TMC1: variants seen among roughly 807,000 people sequenced by gnomAD.
TMC1 encodes transmembrane channel like 1, also known as transmembrane channel-like protein 1.
Under a neutral mutation model 105.8 loss-of-function variants are expected in TMC1, and 84 were observed. That is an observed-to-expected ratio of 0.79 (90% confidence interval 0.67 to 0.95). The LOEUF (loss-of-function observed/expected upper bound fraction) is 0.95. TMC1 is among the 40% of genes least tolerant of loss of function. The pLI is 0.00. For synonymous variants in TMC1, 315 were observed against 311.5 expected (o/e 1.01, Z -0.12); for missense variants, 817 against 914.1 (o/e 0.89, Z 1.37).
At chr9:72,747,805 AG>A (rs1827515520) in intron 10 of TMC1, among the ~76,000 whole-genome samples, 1 of 152,156 alleles carries the variant, frequency 6.6e-6, no homozygotes, top group Admixed American at 6.5e-5. Context: ...CATGTTGACC[AG>A]GCAGGTCTTG....
intron 20 of TMC1, among the ~76,000 whole-genome samples, chr9:72,823,132 A>T (rs986098153): frequency 2.0e-5 from 3 of 152,104 alleles, no homozygotes; most frequent in African/African-American, 7.2e-5. Context: ...GGAATTTTAA[A>T]TATTTTCAAT....
At chr9:72,545,137 TACACACACAC>T (rs61673540) in intron 1 of TMC1, among the ~76,000 whole-genome samples, 1 of 148,076 alleles carries the variant, frequency 6.8e-6, no homozygotes, top group Non-Finnish European at 1.5e-5. Context: ...GATATATATA[TACACACACAC>T]ACACACACAC....
intron 12 of TMC1, 145 bp from the exon 13 acceptor site, chr9:72,772,268 A>G (rs1047947202): frequency 1.7e-5 from 17 of 982,966 alleles, no homozygotes; most frequent in East Asian, 2.4e-5. Flanking sequence ...CATTCACTTT[A>G]TGGAGCAAAA....
chr9:72,717,878 C>T (rs1026249355), intron 8 of TMC1, among the ~76,000 whole-genome samples: 1 of 152,110 alleles, frequency 6.6e-6, no homozygotes, highest in Non-Finnish European at 1.5e-5. Context: ...TATTATTCCC[C>T]CAAATATGTT....
chr9:72,726,174 T>C (rs1450064519), intron 8 of TMC1, among the ~76,000 whole-genome samples: 1 of 152,202 alleles, frequency 6.6e-6, no homozygotes, highest in Non-Finnish European at 1.5e-5. Flanking sequence ...TTCCCTTTTA[T>C]AGTTATAAAA....
chr9:72,715,668 T>C (rs1040930323), intron 8 of TMC1, among the ~76,000 whole-genome samples: 1 of 152,178 alleles, frequency 6.6e-6, no homozygotes, highest in African/African-American at 2.4e-5. Context: ...TCTAACCTTT[T>C]TTCAAGGTTC....
In TMC1 at chr9:72,618,304, T is replaced by C. The variant is rs988872762; in HGVS notation, c.-196+1827T>C. ...TCCCAAAGTGCTGGGATTATAGGTG[T>C]GAACTACCATGCCTGCCTGTCTGGA... On this transcript the variant is annotated intron_variant, in intron 3 of 23. Transcript: ENST00000297784. Among the ~76,000 whole-genome samples, 4 of 152,114 alleles carry C rather than the reference T, an allele frequency of 2.6e-5. 1 individual carries two copies. The highest frequency in any genetic ancestry group is 9.7e-5 in the African/African-American group (4 of 41,428).
At chr9:72,531,093 C>T (rs1823492692) in intron 1 of TMC1, among the ~76,000 whole-genome samples, 1 of 152,072 alleles carries the variant, frequency 6.6e-6, no homozygotes, top group Admixed American at 6.6e-5. Flanking sequence ...CCACCTTGGC[C>T]TTCCAAAGTG....
intron 1 of TMC1, among the ~76,000 whole-genome samples, chr9:72,535,773 G>A (rs1823571917): frequency 6.6e-6 from 1 of 152,218 alleles, no homozygotes; most frequent in Admixed American, 6.5e-5. Context: ...AGTAAGCGGA[G>A]CCTTCATGTG....
At chr9:72,588,864 C>G (rs1044383966) in intron 2 of TMC1, among the ~76,000 whole-genome samples, 1 of 151,808 alleles carries the variant, frequency 6.6e-6, no homozygotes, top group Non-Finnish European at 1.5e-5. Flanking sequence ...CGACCTCTGC[C>G]TCCTGGGTTC....
At chr9:72,807,279 A>C (rs1277930345) in intron 18 of TMC1, among the ~76,000 whole-genome samples, 2 of 152,096 alleles carry the variant, frequency 1.3e-5, no homozygotes, top group African/African-American at 4.8e-5. Flanking sequence ...GGAGAGGGAG[A>C]GGGAGTAATT....
chr9:72,563,899 C>CA (rs71357586), intron 1 of TMC1, among the ~76,000 whole-genome samples: 1,753 of 51,656 alleles, frequency 0.034, 110 homozygotes, highest in African/African-American at 0.071. Context: ...AACTCTGGCT[C>CA]AAAAAAAAAA....
At chr9:72,550,730 T>G (rs1304672857) in intron 1 of TMC1, among the ~76,000 whole-genome samples, 1 of 147,180 alleles carries the variant, frequency 6.8e-6, no homozygotes, top group East Asian at 2.0e-4. Flanking sequence ...AAAAGGCTGG[T>G]GGGTGTGGTA....
chr9:72,777,928 T>C (rs1369668684), intron 13 of TMC1, among the ~76,000 whole-genome samples: 2 of 152,246 alleles, frequency 1.3e-5, no homozygotes, highest in Non-Finnish European at 2.9e-5. Context: ...AGTTTACTTC[T>C]AGAATGACAA....
At chr9:72,679,178 C>T (rs981988299) in intron 5 of TMC1, among the ~76,000 whole-genome samples, 1 of 152,102 alleles carries the variant, frequency 6.6e-6, no homozygotes, top group South Asian at 2.1e-4. Context: ...CTCATATTTA[C>T]ACCGATCTTT....
At chr9:72,835,356 G>T (rs1829105512) in intron 23 of TMC1, among the ~76,000 whole-genome samples, 1 of 151,018 alleles carries the variant, frequency 6.6e-6, no homozygotes, top group Non-Finnish European at 1.5e-5. Context: ...ACCTTAGTGA[G>T]AATTTATTAG....
chr9:72,705,532 C>A (rs1295325443), intron 8 of TMC1, among the ~76,000 whole-genome samples: 1 of 152,158 alleles, frequency 6.6e-6, no homozygotes, highest in African/African-American at 2.4e-5. Flanking sequence ...GGCCACAATG[C>A]CGGCTTCAAA....
chr9:72,532,294 A>G (rs959237242), intron 1 of TMC1, among the ~76,000 whole-genome samples: 1 of 152,074 alleles, frequency 6.6e-6, no homozygotes, highest in African/African-American at 2.4e-5. Context: ...TAATCCCAGC[A>G]CTTTGGGAGG....
chr9:72,754,449 G>A (rs1156931509), intron 11 of TMC1, among the ~76,000 whole-genome samples: 1 of 152,110 alleles, frequency 6.6e-6, no homozygotes, highest in Non-Finnish European at 1.5e-5. Context: ...TGAGTCCTAT[G>A]TGACTCAAAA....
Sources: gnomAD v4.1 joint callset for allele counts (sites outside exome capture counted in the v4.1 genomes callset) on GRCh38, gnomAD v4.1.1 for gene constraint, MANE v1.5 for transcripts, NCBI Gene and HGNC (gene_info 2026-07-23, HGNC 2026-07-21) for gene names.